RTTN: variants seen among roughly 807,000 people sequenced by gnomAD.
RTTN encodes the protein rotatin.
Under a neutral mutation model 269.2 loss-of-function variants are expected in RTTN, and 182 were observed. The ratio of observed to expected loss-of-function variants is 0.68; its 90% CI spans 0.60 to 0.76. The LOEUF (loss-of-function observed/expected upper bound fraction) is 0.76, where lower values mean the gene tolerates loss of function less well. Among genes scored for constraint, RTTN ranks in the 30% least tolerant of loss-of-function variants. The pLI is 0.00. For synonymous variants in RTTN, 1,006 were observed against 963.5 expected (o/e 1.04, Z -0.82); for missense variants, 2,545 against 2,608.6 (o/e 0.98, Z 0.53).
chr18:70,092,364 G>C, intron 29 of RTTN, 144 bp from the exon 30 acceptor site: 1 of 649,284 alleles, frequency 1.5e-6, no homozygotes. Flanking sequence ...GCCAAAAAAG[G>C]CAAACAAAAA....
rs776727544 is a variant in RTTN at position 70,140,211 on chromosome 18, A to G, written c.2582-23T>C. On this transcript the variant is annotated intron_variant, in intron 19 of 48. Coordinates refer to ENST00000640769, the MANE Select transcript of RTTN (RefSeq NM_173630.4). ...TATCTGTAGATAAAAAAAGTTACTAAAAGTTAAAGCACATTTTTTGTAGTT... is the reference window on the plus strand; with the variant it reads ...TATCTGTAGATAAAAAAAGTTACTAGAAGTTAAAGCACATTTTTTGTAGTT... The G allele has an allele frequency of 1.0e-5, 14 of 1,363,282 alleles. No individual in the cohort carries two copies. The Admixed American group carries it at 1.4e-4, about 14-fold the overall frequency. The allele number at this position is 1,363,282 out of a possible 1,614,324, so 84.4% of individuals were successfully genotyped here. A position where few individuals can be genotyped will look rare whatever the true frequency, so the allele number is the denominator to read the frequency against.
intron 32 of RTTN, among the ~76,000 whole-genome samples, chr18:70,075,928 C>G (rs991474954): frequency 1.9e-4 from 29 of 151,930 alleles, no homozygotes; most frequent in Admixed American, 7.2e-4. Flanking sequence ...ATAAGGTGGT[C>G]CATATATTAT....
At chr18:70,163,595 TC>T (rs2060905628) in intron 14 of RTTN, among the ~76,000 whole-genome samples, 1 of 152,170 alleles carries the variant, frequency 6.6e-6, no homozygotes, top group Non-Finnish European at 1.5e-5. Flanking sequence ...CAAATGCCTA[TC>T]AACGGATGAA....
chr18:70,156,523 T>C (rs2060680518), intron 14 of RTTN, among the ~76,000 whole-genome samples: 1 of 152,186 alleles, frequency 6.6e-6, no homozygotes, highest in African/African-American at 2.4e-5. Context: ...CCATTTGCCT[T>C]GTGATATTCT....
At chr18:70,007,152 A>G (rs2056218632) in intron 46 of RTTN, 1 of 152,318 alleles carries the variant, frequency 6.6e-6, no homozygotes, top group Non-Finnish European at 1.5e-5. Context: ...AGGAATCACA[A>G]GGGGTGGGGG....
chr18:70,155,132 T>C (rs917221942), intron 14 of RTTN, among the ~76,000 whole-genome samples: 6 of 152,190 alleles, frequency 3.9e-5, no homozygotes, highest in African/African-American at 1.2e-4. Context: ...CTACCCACTA[T>C]CTTCAATCTT....
chr18:70,148,650 C>A (rs2060457869), intron 17 of RTTN, among the ~76,000 whole-genome samples: 1 of 152,146 alleles, frequency 6.6e-6, no homozygotes, highest in African/African-American at 2.4e-5. Context: ...CACTACTGAG[C>A]GGCACTTAGT....
intron 11 of RTTN, 64 bp from the exon 12 acceptor site, chr18:70,169,131 C>A: frequency 8.2e-7 from 1 of 1,220,016 alleles, no homozygotes; most frequent in South Asian, 1.6e-5. Flanking sequence ...TTTAGAGAAA[C>A]ATAGTGGGCT....
chr18:70,125,682 A>G (rs954259754), intron 25 of RTTN, among the ~76,000 whole-genome samples: 7 of 152,044 alleles, frequency 4.6e-5, no homozygotes, highest in African/African-American at 1.4e-4. Flanking sequence ...AATGTTCTCA[A>G]TATCTCAATA....
chr18:70,017,280 C>A, intron 46 of RTTN, 127 bp downstream of exon 46: 2 of 908,720 alleles, frequency 2.2e-6, no homozygotes, highest in East Asian at 5.3e-5. Context: ...CCATGCCTTC[C>A]ACAGTGCTTT....
intron 7 of RTTN, among the ~76,000 whole-genome samples, chr18:70,193,772 C>T (rs949454260): frequency 1.3e-5 from 2 of 152,178 alleles, no homozygotes; most frequent in Non-Finnish European, 2.9e-5. Context: ...CTACCTCATA[C>T]TGTACATAAA....
intron 46 of RTTN, among the ~76,000 whole-genome samples, chr18:70,013,883 T>A (rs959627643): frequency 6.6e-6 from 1 of 152,206 alleles, no homozygotes; most frequent in Non-Finnish European, 1.5e-5. Context: ...AAGACTGTCT[T>A]GATATATCTG....
At chr18:70,188,404 A>G (rs553353674) in intron 9 of RTTN, among the ~76,000 whole-genome samples, 181 bp from the exon 10 acceptor site, 1 of 152,344 alleles carries the variant, frequency 6.6e-6, no homozygotes, top group African/African-American at 2.4e-5. Flanking sequence ...CTTCTGTTCC[A>G]GTCACAGTAC....
At chr18:70,045,959 C>T (rs968831372) in intron 40 of RTTN, among the ~76,000 whole-genome samples, 1 of 151,676 alleles carries the variant, frequency 6.6e-6, no homozygotes, top group Non-Finnish European at 1.5e-5. Flanking sequence ...AAAAAGGTAA[C>T]AAAAAAATTA....
chr18:70,128,346 A>T lies in RTTN; in HGVS notation c.3143+12T>A, dbSNP rs780426764. The T allele has an allele frequency of 5.6e-6, 9 of 1,602,240 alleles. No homozygotes were observed. The highest frequency in any genetic ancestry group is 7.7e-6 in the Non-Finnish European group (9 of 1,172,836). ...AATTGCAAATGCTTTTTAAACTAAT[A>T]TAAGAGCTTACTCTTGCGTTTTAGT... On this transcript the variant is annotated intron_variant, in intron 24 of 48. Coordinates refer to ENST00000640769, the MANE Select transcript of RTTN (RefSeq NM_173630.4).
chr18:70,034,864 A>T (rs369703015), intron 40 of RTTN, among the ~76,000 whole-genome samples: 1 of 152,230 alleles, frequency 6.6e-6, no homozygotes, highest in Non-Finnish European at 1.5e-5. Context: ...ATACAAAATC[A>T]ATGTGCAAAA....
chr18:70,111,892 AG>A (rs559826115), intron 27 of RTTN, among the ~76,000 whole-genome samples: 212 of 152,344 alleles, frequency 1.4e-3, no homozygotes, highest in African/African-American at 4.9e-3. Flanking sequence ...AAAAATGTTA[AG>A]GGCAGCCAGA....
In RTTN at chr18:70,075,549, AAG is replaced by A. The variant is rs770492592; in HGVS notation, c.4375-10_4375-9del. ...ATCATGAACACAGGGACCCTGTAGG[AAG>A]AGAGGGAAAGAAGGAGGAGACACTG... On this transcript the variant is annotated splice_polypyrimidine_tract_variant and intron_variant, in intron 32 of 48. Transcript: ENST00000640769. 3.2e-6 allele frequency: 5 copies of A among 1,548,574 alleles called. No homozygotes were observed. The South Asian group carries it at 6.3e-5, about 20-fold the overall frequency.
intron 28 of RTTN, among the ~76,000 whole-genome samples, chr18:70,102,931 G>A (rs374227156): frequency 1.6e-4 from 23 of 146,790 alleles, no homozygotes; most frequent in Admixed American, 1.0e-3. Flanking sequence ...GCCTCTGCCC[G>A]GGCGCCCCGT....
Sources: gnomAD v4.1 joint callset for allele counts (sites outside exome capture counted in the v4.1 genomes callset) on GRCh38, gnomAD v4.1.1 for gene constraint, MANE v1.5 for transcripts, NCBI Gene and HGNC (gene_info 2026-07-23, HGNC 2026-07-21) for gene names.